The following STYXL1 variants were observed in gnomAD, a reference collection of about 807,000 sequenced individuals.
STYXL1 encodes the protein serine/threonine/tyrosine-interacting-like protein 1.
Under a neutral mutation model 36.4 loss-of-function variants are expected in STYXL1, and 32 were observed. That is an observed-to-expected ratio of 0.88 (90% CI 0.66 to 1.18). The LOEUF (loss-of-function observed/expected upper bound fraction) is 1.18, where lower values mean the gene tolerates loss of function less well. Among genes scored for constraint, STYXL1 ranks in the 50% most tolerant of loss-of-function variants. STYXL1 has a pLI of 0.00. For synonymous variants in STYXL1, 133 were observed against 144.1 expected, an observed-to-expected ratio of 0.92 and a Z score of 0.55; for missense variants, 354 against 394.1, an observed-to-expected ratio of 0.90 and a Z score of 0.86.
intron 3 of STYXL1, among the ~76,000 whole-genome samples, chr7:76,026,700 A>G (rs1554577820): frequency 2.0e-5 from 3 of 152,180 alleles, no homozygotes; most frequent in Non-Finnish European, 4.4e-5. Context: ...GAGATCAAGG[A>G]CAGACCAGCA....
chr7:76,005,416 A>G lies in STYXL1; in HGVS notation c.454-12T>C. On this transcript the variant is annotated splice_polypyrimidine_tract_variant and intron_variant, in intron 5 of 8. Transcript: ENST00000359697. ...AATGCATCCAGTTCCTGAAGTGTGG[A>G]GGGAGAAAGGCAGCTATGAGCATAT... The G allele has an allele frequency of 6.3e-7, 1 of 1,592,606 alleles. No homozygotes were observed. Among genetic ancestry groups the G allele is most frequent in the Non-Finnish European group, 8.6e-7 (1 of 1,165,018 alleles).
chr7:76,005,322 GGGTCACAGGCTTGACT>G lies in STYXL1; in HGVS notation c.520_535del (p.Ser174ProfsTer7). ...GATTTTCAAGTCCTTCTGAATCTTGGGGTCACAGGCTTGACTGAAATTGCCAACGAAGACCTTCCCT... is the reference window on the plus strand; with the variant it reads ...GATTTTCAAGTCCTTCTGAATCTTGGGAAATTGCCAACGAAGACCTTCCCT... On this transcript the variant is annotated frameshift_variant, in exon 6 of 9. Coordinates refer to ENST00000359697, the MANE Select transcript of STYXL1 (RefSeq NM_001317785.2). LOFTEE classifies it high-confidence loss of function. 6.2e-7 allele frequency: 1 copy of G among 1,612,872 alleles called. No individual in the cohort carries two copies. The highest frequency in any genetic ancestry group is 8.5e-7 in the Non-Finnish European group (1 of 1,179,180).
chr7:76,032,336 C>G (rs1585312634), intron 1 of STYXL1, among the ~76,000 whole-genome samples: 1 of 147,688 alleles, frequency 6.8e-6, no homozygotes, highest in South Asian at 2.1e-4. Context: ...GGAGGTGGGG[C>G]TGCAGTAAGC....
chr7:76,047,921 C>G lies in STYXL1; in HGVS notation c.-264G>C, dbSNP rs995854421. 7.0e-7 allele frequency: 1 copy of G among 1,426,888 alleles called. No homozygotes were observed. The highest frequency in any genetic ancestry group is 9.2e-7 in the Non-Finnish European group (1 of 1,092,240). The allele number at this position is 1,426,888 out of a possible 1,614,324, so 88.4% of individuals were successfully genotyped here. A position where few individuals can be genotyped will look rare whatever the true frequency, so the allele number is the denominator to read the frequency against. On this transcript the variant is annotated 5_prime_UTR_variant, in exon 1 of 9. Transcript: ENST00000359697. ...GACCGCAGGTCCCCCACCGGCCACACAGACGGCTACGCTAGAACCCAGCCA... is the reference window on the plus strand; with the variant it reads ...GACCGCAGGTCCCCCACCGGCCACAGAGACGGCTACGCTAGAACCCAGCCA...
At chr7:76,005,187 AT>A (rs1451955008) in intron 6 of STYXL1, 71 bp downstream of exon 6, 5 of 952,944 alleles carry the variant, frequency 5.2e-6, no homozygotes, top group South Asian at 7.8e-5. Context: ...ATTAAAAAAA[AT>A]AAATAAAATA....
chr7:76,022,038 C>T (rs746933763), intron 3 of STYXL1, 46 bp from the exon 4 acceptor site: 2 of 1,584,444 alleles, frequency 1.3e-6, no homozygotes, highest in South Asian at 1.1e-5. Context: ...TGTTGGTGGG[C>T]AGGTTCGGTT....
intron 2 of STYXL1, among the ~76,000 whole-genome samples, chr7:76,029,754 C>T (rs529064946): frequency 5.3e-5 from 8 of 152,178 alleles, no homozygotes; most frequent in South Asian, 2.1e-4. Flanking sequence ...ACAAGGAGAG[C>T]GCAACTTAGA....
intron 3 of STYXL1, among the ~76,000 whole-genome samples, chr7:76,028,043 A>G (rs778197526): frequency 1.3e-5 from 2 of 152,062 alleles, no homozygotes; most frequent in African/African-American, 2.4e-5. Context: ...GGAGATATAT[A>G]TATATTTTTT....
intron 5 of STYXL1, among the ~76,000 whole-genome samples, chr7:76,005,791 T>C (rs1392580956): frequency 6.7e-6 from 1 of 149,468 alleles, no homozygotes; most frequent in Non-Finnish European, 1.5e-5. Context: ...CACCAGAATT[T>C]AAGCATCGAG....
intron 7 of STYXL1, among the ~76,000 whole-genome samples, chr7:76,001,792 A>AT (rs71082373): frequency 0.82 from 79,707 of 96,922 alleles, 33,766 homozygotes; most frequent in Non-Finnish European, 0.89. Flanking sequence ...ACTGCGCCTG[A>AT]TTTTTTTTTT....
chr7:76,013,325 CAAA>C (rs782742797), intron 5 of STYXL1, among the ~76,000 whole-genome samples: 2 of 80,692 alleles, frequency 2.5e-5, no homozygotes, highest in Non-Finnish European at 2.5e-5. Context: ...GACTCCGTCT[CAAA>C]AAAAAAAAAA....
In STYXL1 at chr7:76,023,141, C is replaced by T. The variant is rs192969002; in HGVS notation, c.166-1149G>A. 3.1e-3 allele frequency among the ~76,000 whole-genome samples: 474 copies of T among 152,172 alleles called. 6 individuals carry two copies. Among genetic ancestry groups the T allele is most frequent in the Non-Finnish European group, 9.0e-4 (61 of 68,010 alleles). ...GAGACCCTAAAGCCCAGACTTCCTT[C>T]GGGCTCTCTTCCTCTCTGCTTCCCA... On this transcript the variant is annotated intron_variant, in intron 3 of 8. Transcript: ENST00000359697.
intron 6 of STYXL1, among the ~76,000 whole-genome samples, chr7:76,004,773 G>A (rs368447650): frequency 5.9e-5 from 9 of 151,900 alleles, no homozygotes; most frequent in Non-Finnish European, 1.3e-4. Context: ...AGGCCAAGGC[G>A]GGATGATCAC....
chr7:75,999,551 G>GTGTGTGTGTGTGTA lies in STYXL1; in HGVS notation c.810+1338_810+1339insTACACACACACACA, dbSNP rs1421403301. 5.2e-4 allele frequency among the ~76,000 whole-genome samples: 42 copies of GTGTGTGTGTGTGTA among 80,132 alleles called. 1 individual carries two copies. The South Asian group carries it at 0.013, about 26-fold the overall frequency. The allele number at this position is 80,132 out of a possible 152,430, so 52.6% of individuals were successfully genotyped here. On this transcript the variant is annotated intron_variant, in intron 8 of 8. Coordinates refer to ENST00000359697, the MANE Select transcript of STYXL1 (RefSeq NM_001317785.2). ...TGTGTGTGTGTGTGTGTGTGTGTGTGTATATTTTTTTTTGAGACAGAGTTT... is the reference window on the plus strand; with the variant it reads ...TGTGTGTGTGTGTGTGTGTGTGTGTGTGTGTGTGTGTGTATATATTTTTTTTTGAGACAGAGTTT...
intron 8 of STYXL1, among the ~76,000 whole-genome samples, chr7:75,999,509 G>GTGTGTGTGTA (rs782747902): frequency 4.9e-5 from 5 of 102,096 alleles, no homozygotes; most frequent in African/African-American, 9.2e-5. Context: ...GTGTGTGTGT[G>GTGTGTGTGTA]TATGTGTGTG....
intron 5 of STYXL1, among the ~76,000 whole-genome samples, chr7:76,011,058 T>A (rs1449497176): frequency 7.9e-5 from 12 of 152,034 alleles, no homozygotes; most frequent in Admixed American, 7.9e-4. Context: ...CTGCAAAAAA[T>A]TTTAAAACTT....
rs185754537 is a variant in STYXL1 at position 76,030,692 on chromosome 7, T to C, written c.-4-165A>G. Among the ~76,000 whole-genome samples, 42 of 152,008 alleles carry C rather than the reference T, an allele frequency of 2.8e-4. No individual in the cohort carries two copies. In the East Asian group the frequency reaches 8.0e-3, roughly 29 times the overall value. ...TTCAAAACTGTATAGTGAAATATAG[T>C]GCGCAGAGGAGAATAAAATCTTAAA... is the stretch of plus-strand genomic sequence containing the variant. On this transcript the variant is annotated intron_variant, in intron 1 of 8. Coordinates refer to ENST00000359697, the MANE Select transcript of STYXL1 (RefSeq NM_001317785.2).
intron 4 of STYXL1, among the ~76,000 whole-genome samples, chr7:76,014,203 C>G (rs144774999): frequency 0.011 from 1,653 of 152,076 alleles, 25 homozygotes; most frequent in African/African-American, 0.036. Context: ...TTGAACTCCT[C>G]AGCTCAGGTG....
At chr7:76,038,949 A>AT (rs35639363) in intron 1 of STYXL1, among the ~76,000 whole-genome samples, 52,309 of 127,650 alleles carry the variant, frequency 0.41, 12,866 homozygotes, top group African/African-American at 0.63. Flanking sequence ...ATCATGCCTA[A>AT]TTTTTTTTTT....
Sources: gnomAD v4.1 joint callset for allele counts (sites outside exome capture counted in the v4.1 genomes callset) on GRCh38, gnomAD v4.1.1 for gene constraint, MANE v1.5 for transcripts, NCBI Gene and HGNC (gene_info 2026-07-23, HGNC 2026-07-21) for gene names.